The following MYO5B variants were observed in gnomAD, a reference collection of about 807,000 sequenced individuals.
MYO5B encodes the protein myosin VB, also known as unconventional myosin-Vb.
MYO5B carries 143 observed loss-of-function variants against 229.3 expected under a neutral mutation model. The observed-to-expected ratio is 0.62, with a 90% CI of 0.54 to 0.72. The LOEUF is 0.72. Among genes scored for constraint, MYO5B ranks in the 30% least tolerant of loss-of-function variants. The pLI is 0.00. For synonymous variants in MYO5B, 918 were observed against 885.2 expected, an observed-to-expected ratio of 1.04 and a Z score of -0.66; for missense variants, 2,321 against 2,331.0, an observed-to-expected ratio of 1.00 and a Z score of 0.09.
chr18:50,186,651 G>A (rs1327616122), intron 1 of MYO5B, among the ~76,000 whole-genome samples: 1 of 152,184 alleles, frequency 6.6e-6, no homozygotes, highest in East Asian at 1.9e-4. Flanking sequence ...CTGCCACCCA[G>A]CATGGTGACT....
intron 1 of MYO5B, among the ~76,000 whole-genome samples, chr18:50,105,240 TAAATAAATAAAA>T (rs1440746754): frequency 6.9e-6 from 1 of 145,044 alleles, no homozygotes; most frequent in African/African-American, 2.6e-5. Context: ...AATAAATAAA[TAAATAAATAAAA>T]AATAGATAAA....
intron 39 of MYO5B, among the ~76,000 whole-genome samples, chr18:49,829,888 A>G (rs1343334622): frequency 6.6e-6 from 1 of 152,184 alleles, no homozygotes; most frequent in African/African-American, 2.4e-5. Flanking sequence ...CCAAAATCCA[A>G]CTTTTTTAAT....
At chr18:49,984,149 G>A (rs921438808) in intron 8 of MYO5B, among the ~76,000 whole-genome samples, 4 of 152,154 alleles carry the variant, frequency 2.6e-5, no homozygotes, top group East Asian at 1.9e-4. Flanking sequence ...AGGGAAGCAG[G>A]GCAATTTCCT....
At chr18:50,076,750 G>T (rs2031087502) in intron 1 of MYO5B, among the ~76,000 whole-genome samples, 1 of 152,196 alleles carries the variant, frequency 6.6e-6, no homozygotes, top group African/African-American at 2.4e-5. Flanking sequence ...AAAAGCCAGA[G>T]ATGCAGTCAG....
intron 1 of MYO5B, among the ~76,000 whole-genome samples, chr18:50,077,540 C>T (rs891938004): frequency 1.4e-4 from 21 of 148,286 alleles, no homozygotes; most frequent in African/African-American, 5.4e-4. Context: ...CACACACACA[C>T]AGTAAAGGAC....
chr18:50,114,613 T>G (rs756220366), intron 1 of MYO5B, among the ~76,000 whole-genome samples: 54 of 152,244 alleles, frequency 3.5e-4, no homozygotes, highest in Non-Finnish European at 6.6e-4. Context: ...GCATGTTAAG[T>G]GTCAGCTGAC....
intron 4 of MYO5B, among the ~76,000 whole-genome samples, chr18:50,012,793 T>C (rs2026176602): frequency 6.6e-6 from 1 of 152,238 alleles, no homozygotes; most frequent in Non-Finnish European, 1.5e-5. Flanking sequence ...TTGAAAGCCA[T>C]GCTGTAAATT....
chr18:50,017,798 A>G (rs948669576), intron 4 of MYO5B, among the ~76,000 whole-genome samples: 1 of 152,240 alleles, frequency 6.6e-6, no homozygotes, highest in Non-Finnish European at 1.5e-5. Context: ...TCCAATCACT[A>G]TTCCCTAAAT....
chr18:50,057,860 C>T (rs917761188), intron 1 of MYO5B, among the ~76,000 whole-genome samples: 2 of 152,132 alleles, frequency 1.3e-5, no homozygotes, highest in Non-Finnish European at 2.9e-5. Context: ...CCCAGACTCA[C>T]CACATCAGAA....
In MYO5B at chr18:49,937,955, C is replaced by A. The variant is rs144424653; in HGVS notation, c.1753-558G>T. Among the ~76,000 whole-genome samples the A allele has an allele frequency of 3.4e-3, 522 of 152,138 alleles. 2 individuals are homozygous for A. The highest frequency in any genetic ancestry group is 0.012 in the African/African-American group (487 of 41,464). On this transcript the variant is annotated intron_variant, in intron 14 of 39. Transcript: ENST00000285039. The stretch of plus-strand genomic sequence containing the variant: ...ATAAATTGGTGAACATCCTGAAACC[C>A]AGTGAATTGTGTGCTTCAAAAGGGT...
chr18:49,866,903 C>G (rs974602153), intron 27 of MYO5B, among the ~76,000 whole-genome samples: 2 of 152,166 alleles, frequency 1.3e-5, no homozygotes, highest in South Asian at 2.1e-4. Flanking sequence ...GGGGAGGGAA[C>G]AGGTCTGACA....
At position 49,904,676 on chromosome 18, in the gene MYO5B, CG is replaced by C; in HGVS notation, c.2566del (p.Arg856AlafsTer48). 1 of 1,613,666 alleles carries C rather than the reference CG, an allele frequency of 6.2e-7. No homozygotes were observed. Among genetic ancestry groups the C allele is most frequent in the Non-Finnish European group, 8.5e-7 (1 of 1,180,042 alleles). On this transcript the variant is annotated frameshift_variant, in exon 20 of 40. Coordinates refer to ENST00000285039, the MANE Select transcript of MYO5B (RefSeq NM_001080467.3). LOFTEE classifies it high-confidence loss of function. ...GCCCTCAGAGTGGCTACTCACCTGG[CG>C]GTAGGTTCTCCGCACAAACATGGCC... The part of the protein sequence containing the change: ...TRAMFVRRTY[R>X]QVLMEHKATT...
intron 1 of MYO5B, among the ~76,000 whole-genome samples, chr18:50,084,572 T>A (rs1465506072): frequency 1.3e-5 from 2 of 152,188 alleles, no homozygotes; most frequent in African/African-American, 2.4e-5. Context: ...GTGACAACAA[T>A]TTGTTTCTAG....
At chr18:50,061,325 C>G (rs973069991) in intron 1 of MYO5B, among the ~76,000 whole-genome samples, 2 of 152,034 alleles carry the variant, frequency 1.3e-5, no homozygotes, top group Middle Eastern at 3.2e-3. Context: ...AAATGAGAGC[C>G]CACTATCACA....
chr18:49,918,638 A>G (rs1314376126), intron 17 of MYO5B, among the ~76,000 whole-genome samples: 1 of 152,124 alleles, frequency 6.6e-6, no homozygotes, highest in Non-Finnish European at 1.5e-5. Context: ...CCTCAGTGGG[A>G]CTTTGTTCCC....
At chr18:49,847,418 T>C in intron 32 of MYO5B, 129 bp from the exon 33 acceptor site, 1 of 1,176,016 alleles carries the variant, frequency 8.5e-7, no homozygotes, top group Non-Finnish European at 1.2e-6. Context: ...AGGTGGAGGA[T>C]GGCACCTGGG....
At chr18:49,995,178 A>G (rs1185070978) in intron 5 of MYO5B, among the ~76,000 whole-genome samples, 1 of 151,926 alleles carries the variant, frequency 6.6e-6, no homozygotes, top group East Asian at 1.9e-4. Flanking sequence ...AAGCCACCAC[A>G]CATGTGGGCA....
At chr18:50,015,915 C>A (rs2026210887) in intron 4 of MYO5B, among the ~76,000 whole-genome samples, 1 of 152,208 alleles carries the variant, frequency 6.6e-6, no homozygotes, top group Non-Finnish European at 1.5e-5. Flanking sequence ...CTTGCTGGAA[C>A]CAGAGTCACC....
chr18:50,153,367 T>C (rs973250590), intron 1 of MYO5B, among the ~76,000 whole-genome samples: 5 of 152,208 alleles, frequency 3.3e-5, no homozygotes, highest in African/African-American at 9.6e-5. Context: ...CAGTGAGGCA[T>C]GACTTGGAAT....
Sources: gnomAD v4.1 joint callset for allele counts (sites outside exome capture counted in the v4.1 genomes callset) on GRCh38, gnomAD v4.1.1 for gene constraint, MANE v1.5 for transcripts, NCBI Gene and HGNC (gene_info 2026-07-23, HGNC 2026-07-21) for gene names.